IQSEC1: variants seen among roughly 807,000 people sequenced by gnomAD.
IQSEC1 encodes the protein IQ motif and SEC7 domain-containing protein 1.
Under a neutral mutation model 91.0 loss-of-function variants are expected in IQSEC1, and 31 were observed. The ratio of observed to expected loss-of-function variants is 0.34; its 90% CI spans 0.26 to 0.46. IQSEC1 has a LOEUF of 0.46. Ranked by LOEUF, IQSEC1 falls within the 20% of genes least tolerant of loss-of-function variation. IQSEC1 has a pLI of 1.00. For missense variants in IQSEC1, 1,388 were observed against 1,575.6 expected (o/e 0.88, Z 2.02); for synonymous variants, 699 against 662.6 (o/e 1.05, Z -0.84).
intron 1 of IQSEC1, among the ~76,000 whole-genome samples, chr3:12,961,855 A>G (rs1338180359): frequency 6.6e-6 from 1 of 152,222 alleles, no homozygotes; most frequent in Non-Finnish European, 1.5e-5. Flanking sequence ...ACCAATGGGG[A>G]AACTGAGGCA....
rs987419699 is a variant in IQSEC1 at position 13,214,559 on chromosome 3, C to T, written c.273-50426G>A. On this transcript the variant is annotated intron_variant, in intron 1 of 15. Coordinates refer to the IQSEC1 transcript ENST00000648114. This position sits in a 1 kb window ranked among gnomAD's most constrained non-coding sequence, Gnocchi z 4.5. ...CGTGGGTGCAGCCTGGGGCCTCTCACTGCCAGGTGGACGAACCAGGGCAGG... is the reference window on the plus strand; with the variant it reads ...CGTGGGTGCAGCCTGGGGCCTCTCATTGCCAGGTGGACGAACCAGGGCAGG... Among the ~76,000 whole-genome samples the T allele has an allele frequency of 6.6e-6, 1 of 152,274 alleles. No individual in the cohort carries two copies. Among genetic ancestry groups the T allele is most frequent in the Non-Finnish European group, 1.5e-5 (1 of 68,054 alleles).
At chr3:12,981,509 C>T (rs1701460145) in intron 1 of IQSEC1, among the ~76,000 whole-genome samples, 1 of 152,130 alleles carries the variant, frequency 6.6e-6, no homozygotes, top group Non-Finnish European at 1.5e-5. Context: ...ACAATTCCCC[C>T]GTTCCCTTTC....
At chr3:13,232,222 A>G (rs1349187523) in intron 1 of IQSEC1, among the ~76,000 whole-genome samples, 1 of 152,224 alleles carries the variant, frequency 6.6e-6, no homozygotes, top group Non-Finnish European at 1.5e-5. Context: ...ACCCTGCACT[A>G]GCCACTCAGC....
intron 4 of IQSEC1, among the ~76,000 whole-genome samples, chr3:12,923,800 G>A (rs541006596): frequency 9.8e-5 from 15 of 152,336 alleles, no homozygotes; most frequent in African/African-American, 2.9e-4. Context: ...TGGTCCCCTC[G>A]GCTGCACATG....
At chr3:13,122,072 T>G (rs953905558) in intron 2 of IQSEC1, among the ~76,000 whole-genome samples, 1 of 152,106 alleles carries the variant, frequency 6.6e-6, no homozygotes, top group Admixed American at 6.5e-5. Flanking sequence ...GAGGCAATAA[T>G]AAGCCAAACC....
At chr3:12,902,653 AACAACAAAAAAAAAACC>A in intron 13 of IQSEC1, 103 bp downstream of exon 13, 1 of 617,452 alleles carries the variant, frequency 1.6e-6, no homozygotes, top group South Asian at 1.8e-5. Context: ...CAAAAAAAAA[AACAACAAAAAAAAAACC>A]AAAAAAAAAA....
At chr3:12,928,560 A>G (rs1245119384) in intron 3 of IQSEC1, among the ~76,000 whole-genome samples, 1 of 152,096 alleles carries the variant, frequency 6.6e-6, no homozygotes, top group Non-Finnish European at 1.5e-5. Context: ...GGCACTGGGC[A>G]TTTACTGGTG....
At chr3:12,969,916 A>G (rs959521056) in intron 1 of IQSEC1, among the ~76,000 whole-genome samples, 2 of 152,208 alleles carry the variant, frequency 1.3e-5, no homozygotes, top group African/African-American at 4.8e-5. Context: ...CTGCTCCGCT[A>G]ACTGCCTTGC....
In IQSEC1 at chr3:13,282,535, A is replaced by C; in HGVS notation, c.272+176T>G. Reference sequence around the variant, plus strand: ...GATCGAGCTCCGGATCTGGGCGGCGACCCCGCCAGAGAATCCCAGGGAGCC... The same window carrying C: ...GATCGAGCTCCGGATCTGGGCGGCGCCCCCGCCAGAGAATCCCAGGGAGCC... On this transcript the variant is annotated intron_variant, in intron 1 of 15. Transcript: ENST00000648114. The surrounding 1 kb of genome is among the most constrained non-coding windows in gnomAD (Gnocchi z 6.4). Among the ~76,000 whole-genome samples, 1 of 149,674 alleles carries C rather than the reference A, an allele frequency of 6.7e-6. No homozygotes were observed. The highest frequency in any genetic ancestry group is 1.5e-5 in the Non-Finnish European group (1 of 67,328).
intron 1 of IQSEC1, among the ~76,000 whole-genome samples, chr3:13,245,789 G>GGT (rs1350535373): frequency 3.4e-5 from 5 of 145,366 alleles, no homozygotes; most frequent in Non-Finnish European, 7.4e-5. Context: ...AAAAGAATGT[G>GGT]GTGGCAGGCA....
chr3:13,131,063 A>AGGAAGGAAGGAG (rs929185572), intron 2 of IQSEC1, among the ~76,000 whole-genome samples: 1 of 150,802 alleles, frequency 6.6e-6, no homozygotes, highest in East Asian at 2.0e-4. Flanking sequence ...GAAGGAAGGA[A>AGGAAGGAAGGAG]GGAGGGAGGG....
At chr3:12,999,390 C>T (rs1433301494) in intron 1 of IQSEC1, among the ~76,000 whole-genome samples, 10 of 152,206 alleles carry the variant, frequency 6.6e-5, no homozygotes, top group East Asian at 1.9e-4. Flanking sequence ...CCTCCCAGCT[C>T]GGCAGTGTGC....
At chr3:13,082,694 A>G (rs865966444) in intron 2 of IQSEC1, among the ~76,000 whole-genome samples, 1 of 152,104 alleles carries the variant, frequency 6.6e-6, no homozygotes, top group African/African-American at 2.4e-5. Context: ...GGAAGGATCT[A>G]TTTAACCTGA....
intron 1 of IQSEC1, among the ~76,000 whole-genome samples, chr3:13,178,152 C>T (rs916882584): frequency 6.6e-5 from 10 of 152,218 alleles, no homozygotes; most frequent in African/African-American, 2.4e-4. Context: ...ACCCGAGTCC[C>T]GGGCAGTCTC....
intron 1 of IQSEC1, among the ~76,000 whole-genome samples, chr3:13,278,310 C>G (rs916105902): frequency 6.6e-6 from 1 of 152,084 alleles, no homozygotes; most frequent in Admixed American, 6.6e-5. Flanking sequence ...TTTGGAAGAT[C>G]AAAGGCTGGA....
intron 1 of IQSEC1, among the ~76,000 whole-genome samples, chr3:13,269,424 G>C (rs879861165): frequency 3.9e-5 from 6 of 152,238 alleles, no homozygotes; most frequent in Non-Finnish European, 5.9e-5. Context: ...ACAGCTTGGA[G>C]TGAGGGGGAT....
chr3:13,136,787 C>G (rs907554348), intron 2 of IQSEC1, among the ~76,000 whole-genome samples: 1 of 152,118 alleles, frequency 6.6e-6, no homozygotes, highest in Non-Finnish European at 1.5e-5. Context: ...GCATGTAGAT[C>G]GGGTGGAATA....
At chr3:12,993,105 G>C (rs1007310974) in intron 1 of IQSEC1, among the ~76,000 whole-genome samples, 50 of 152,110 alleles carry the variant, frequency 3.3e-4, no homozygotes, top group Admixed American at 2.9e-3. Flanking sequence ...GCTGCCACCT[G>C]CCCCCTATGG....
In IQSEC1 at chr3:12,994,166, G is replaced by C. The variant is rs866698959; in HGVS notation, c.24-52301C>G. Among the ~76,000 whole-genome samples, 2 of 146,628 alleles carry C rather than the reference G, an allele frequency of 1.4e-5. No homozygotes were observed. The highest frequency in any genetic ancestry group is 2.4e-5 in the African/African-American group (1 of 40,818). The stretch of plus-strand genomic sequence containing the variant: ...AGCGTCCGGTGGCCGGGCGCGGGGG[G>C]GCGGGGGCGGGCGCTCGGGAGCCGG... On this transcript the variant is annotated intron_variant, in intron 1 of 13. Transcript: ENST00000613206. This position sits in a 1 kb window ranked among gnomAD's most constrained non-coding sequence, Gnocchi z 4.5.
Sources: allele counts gnomAD v4.1 joint callset (sites outside exome capture counted in the v4.1 genomes callset), GRCh38; gene constraint gnomAD v4.1.1; non-coding constraint Gnocchi (gnomAD v3.1); transcripts MANE v1.5; gene names NCBI Gene and HGNC (gene_info 2026-07-23, HGNC 2026-07-21).